Variants in NPHP4 observed in about 807,000 individuals in gnomAD.
The protein encoded by NPHP4 is nephrocystin-4.
Under a neutral mutation model 155.8 loss-of-function variants are expected in NPHP4, and 151 were observed. The ratio of observed to expected loss-of-function variants is 0.97; its 90% confidence interval spans 0.85 to 1.11. The LOEUF is 1.11. NPHP4 is among the 50% of genes least tolerant of loss of function. The pLI is 0.00. For missense variants in NPHP4, 1,956 were observed against 1,925.7 expected, an observed-to-expected ratio of 1.02 and a Z score of -0.29; for synonymous variants, 845 against 816.8, an observed-to-expected ratio of 1.03 and a Z score of -0.59.
chr1:5,877,432 C>T (rs1642734718), intron 19 of NPHP4, 134 bp from the exon 20 acceptor site: 2 of 584,514 alleles, frequency 3.4e-6, no homozygotes, highest in Non-Finnish European at 5.9e-6. Flanking sequence ...TTTTGCAGCT[C>T]CAATCTGCAG....
At chr1:5,919,682 C>T (rs1022646175) in intron 11 of NPHP4, among the ~76,000 whole-genome samples, 14 of 152,034 alleles carry the variant, frequency 9.2e-5, no homozygotes, top group Non-Finnish European at 1.3e-4. Context: ...TGGGCCCACC[C>T]GGAACCTACT....
chr1:5,930,198 C>G (rs1646203702), intron 10 of NPHP4, among the ~76,000 whole-genome samples: 1 of 152,120 alleles, frequency 6.6e-6, no homozygotes, highest in Admixed American at 6.5e-5. Flanking sequence ...CTTTTTCAGT[C>G]TTGCTAGAAG....
rs1389593927 is a variant in NPHP4 at position 5,890,903 on chromosome 1, G to A, written c.2269C>T (p.Leu757=). The A allele has an allele frequency of 1.2e-6, 2 of 1,610,728 alleles. No homozygotes were observed. Among genetic ancestry groups the A allele is most frequent in the Non-Finnish European group, 1.7e-6 (2 of 1,178,278 alleles). ...ACGGCAGCAGATCCGATGAGCAGCA[G>A]GGAGTCTCCGTCCCAGACGTCAATC... is the stretch of plus-strand genomic sequence containing the variant. ...LQIDVWDGDS[L]LLIGSAAVQM... is the part of the protein sequence containing the mutation. The change falls in exon 17 of 30, where the codon CTG becomes TTG. Residue 757 remains leucine, a synonymous_variant. Transcript: ENST00000378156. This position sits in a 1 kb window ranked among gnomAD's most constrained non-coding sequence, Gnocchi z 4.9.
intron 11 of NPHP4, among the ~76,000 whole-genome samples, chr1:5,921,858 T>C (rs11120781): frequency 0.21 from 32,002 of 152,260 alleles, 3,955 homozygotes; most frequent in African/African-American, 0.35. Flanking sequence ...ATATTTTCCA[T>C]GTGGGCAAGG....
At chr1:5,976,445 G>C (rs547114296) in intron 3 of NPHP4, among the ~76,000 whole-genome samples, 5 of 152,320 alleles carry the variant, frequency 3.3e-5, no homozygotes, top group Admixed American at 2.6e-4. Context: ...GAAAGCTAAA[G>C]CTAAACAGCT....
intron 16 of NPHP4, among the ~76,000 whole-genome samples, chr1:5,897,719 G>T (rs1171830866): frequency 6.6e-6 from 1 of 152,122 alleles, no homozygotes; most frequent in Non-Finnish European, 1.5e-5. Flanking sequence ...AACCGGGCTG[G>T]ATCCCAGATC....
Position 5,967,226 on chromosome 1 carries a change from G to C in NPHP4, c.517+73C>G. 2.6e-6 allele frequency: 3 copies of C among 1,140,304 alleles called. 1 individual carries two copies. In the South Asian group the frequency reaches 4.0e-5, roughly 15 times the overall value. 70.6% of individuals were successfully genotyped at this position (1,140,304 alleles called of 1,614,324 possible). The stretch of plus-strand genomic sequence containing the variant: ...TTTACACTGAGAAAGATCCCATTCA[G>C]AGCTAAAGGTGGGGAACACTCAGGG... On this transcript the variant is annotated intron_variant, in intron 5 of 29. Coordinates refer to ENST00000378156, the MANE Select transcript of NPHP4 (RefSeq NM_015102.5).
At position 5,864,688 on chromosome 1, in the gene NPHP4, G is replaced by T. The variant is rs532466027; in HGVS notation, c.3817-171C>A. 2.7e-4 allele frequency: 158 copies of T among 575,198 alleles called. 1 individual carries two copies. In the South Asian group the frequency reaches 4.3e-3, roughly 15 times the overall value. 35.6% of individuals were successfully genotyped at this position (575,198 alleles called of 1,614,324 possible). A position where few individuals can be genotyped will look rare whatever the true frequency, so the allele number is the denominator to read the frequency against. ...CTGACATGACTGTGGCCGCGACTTGGGTCCACACCAGGCAAGTCCCTCCTC... is the reference window on the plus strand; with the variant it reads ...CTGACATGACTGTGGCCGCGACTTGTGTCCACACCAGGCAAGTCCCTCCTC... On this transcript the variant is annotated intron_variant, in intron 27 of 29. Coordinates refer to ENST00000378156, the MANE Select transcript of NPHP4 (RefSeq NM_015102.5).
chr1:5,897,842 G>A (rs1367006902), intron 16 of NPHP4, among the ~76,000 whole-genome samples: 1 of 152,196 alleles, frequency 6.6e-6, no homozygotes, highest in African/African-American at 2.4e-5. Context: ...TTTAAGAGAT[G>A]CACGTTGCTT....
chr1:5,981,688 CTATT>C (rs1366047459), intron 2 of NPHP4, among the ~76,000 whole-genome samples: 1 of 152,180 alleles, frequency 6.6e-6, no homozygotes, highest in Non-Finnish European at 1.5e-5. Flanking sequence ...TTTCCAAACT[CTATT>C]TATAGAATTT....
At chr1:5,888,042 A>G (rs116558119) in intron 17 of NPHP4, among the ~76,000 whole-genome samples, 2,881 of 152,222 alleles carry the variant, frequency 0.019, 90 homozygotes, top group African/African-American at 0.065. Flanking sequence ...GCTGGGGTAG[A>G]GGCCCGTGGG....
At chr1:5,968,943 C>T (rs985773960) in intron 4 of NPHP4, 144 bp downstream of exon 4, 4 of 536,114 alleles carry the variant, frequency 7.5e-6, no homozygotes, top group Non-Finnish European at 1.3e-5. Context: ...ACGAGAATCG[C>T]TCGAACCCAG....
intron 4 of NPHP4, 126 bp from the exon 5 acceptor site, chr1:5,967,489 G>A (rs1651743512): frequency 1.4e-6 from 1 of 735,988 alleles, no homozygotes; most frequent in South Asian, 1.6e-5. Flanking sequence ...CCCATCCTCT[G>A]CGGAAGGCAG....
chr1:5,877,276 CTGTGCTTG>C lies in NPHP4; in HGVS notation c.2626_2633del (p.Gln876GlufsTer8). On this transcript the variant is annotated frameshift_variant, in exon 20 of 30. Transcript: ENST00000378156. LOFTEE classifies it high-confidence loss of function. ...GCTCACTGTCCACGTCCGCCAGCTT[CTGTGCTTG>C]CACCACGTGTTTTCCTGCGAAAGGG... The C allele has an allele frequency of 6.2e-7, 1 of 1,601,868 alleles. No homozygotes were observed.
intron 23 of NPHP4, chr1:5,868,441 G>C (rs1372137344): frequency 4.0e-6 from 1 of 247,210 alleles, no homozygotes; most frequent in Non-Finnish European, 8.0e-6. Context: ...ATTGTCTGAA[G>C]AGGTATTAAT....
In NPHP4 at chr1:5,874,494, C is replaced by A. The variant is rs1642349977; in HGVS notation, c.3208G>T (p.Ala1070Ser). 3 of 1,564,812 alleles carry A rather than the reference C, an allele frequency of 1.9e-6. No homozygotes were observed. Among genetic ancestry groups the A allele is most frequent in the African/African-American group, 1.4e-5 (1 of 73,776 alleles). Residue 1070 changes from alanine to serine, a missense_variant, in exon 22 of 30, where the codon GCA becomes TCA. Physicochemically the swap from Ala to Ser is moderately conservative, Grantham distance 99. Coordinates refer to ENST00000378156, the MANE Select transcript of NPHP4 (RefSeq NM_015102.5). The part of the protein sequence containing the change: ...HVPFKFQSFS[A>S]GQLAMVQASP... ...ACCTGCACCATGGCCAGCTGCCCTG[C>A]AGAGAAGCTCTGGAACTTGAAGGGG...
At chr1:5,957,727 G>C (rs1213291366) in intron 6 of NPHP4, among the ~76,000 whole-genome samples, 1 of 151,728 alleles carries the variant, frequency 6.6e-6, no homozygotes, top group African/African-American at 2.4e-5. Flanking sequence ...CGCTGCAACA[G>C]TGGGATATTT....
intron 10 of NPHP4, among the ~76,000 whole-genome samples, chr1:5,930,665 T>G (rs1157363063): frequency 6.6e-6 from 1 of 152,250 alleles, no homozygotes. Flanking sequence ...CTCTTAAAAC[T>G]GAAGTTTGTT....
In NPHP4 at chr1:5,905,558, T is replaced by C; in HGVS notation, c.1763+74A>G. 1 of 1,602,122 alleles carries C rather than the reference T, an allele frequency of 6.2e-7. No homozygotes were observed. The highest frequency in any genetic ancestry group is 8.5e-7 in the Non-Finnish European group (1 of 1,170,880). On this transcript the variant is annotated intron_variant, in intron 14 of 29. Coordinates refer to ENST00000378156, the MANE Select transcript of NPHP4 (RefSeq NM_015102.5). The surrounding 1 kb of genome is among the most constrained non-coding windows in gnomAD (Gnocchi z 4.0). ...TTGATGCACCTCCCTGTGGAAACCC[T>C]GGGGTTCACAAGGTCCAACAGTCTG...
Sources: gnomAD v4.1 joint callset for allele counts (sites outside exome capture counted in the v4.1 genomes callset) on GRCh38, gnomAD v4.1.1 for gene constraint, Gnocchi (gnomAD v3.1) non-coding constraint, MANE v1.5 for transcripts, NCBI Gene and HGNC (gene_info 2026-07-23, HGNC 2026-07-21) for gene names.